Variants in MAP3K9 observed in about 807,000 individuals in gnomAD.
MAP3K9 encodes the protein mixed lineage kinase 1 (tyr and ser/thr specificity).
Under a neutral mutation model 95.8 loss-of-function variants are expected in MAP3K9, and 46 were observed. The observed-to-expected ratio is 0.48, with a 90% CI of 0.38 to 0.61. The LOEUF is 0.61. Ranked by LOEUF, MAP3K9 falls within the 20% of genes least tolerant of loss-of-function variation. MAP3K9 has a pLI of 0.00. For synonymous variants in MAP3K9, 533 were observed against 593.8 expected, an observed-to-expected ratio of 0.90 and a Z score of 1.49; for missense variants, 1,296 against 1,474.3, an observed-to-expected ratio of 0.88 and a Z score of 1.98.
intron 2 of MAP3K9, among the ~76,000 whole-genome samples, chr14:70,765,687 T>C (rs6573981): frequency 0.89 from 132,482 of 148,270 alleles, 59,177 homozygotes; most frequent in Middle Eastern, 0.94. Flanking sequence ...CCCTGGGCCA[T>C]ATTGGAAGAA....
chr14:70,739,158 C>G (rs2054028998), intron 7 of MAP3K9, among the ~76,000 whole-genome samples: 1 of 152,174 alleles, frequency 6.6e-6, no homozygotes. Flanking sequence ...GAGACGGAGT[C>G]TCACTCTGTC....
rs1240018561 is a variant in MAP3K9 at position 70,727,128 on chromosome 14, T to C, written c.*3252A>G. 6.6e-6 allele frequency: 1 copy of C among 152,174 alleles called. No individual in the cohort carries two copies. The highest frequency in any genetic ancestry group is 1.5e-5 in the Non-Finnish European group (1 of 68,026). The allele number at this position is 152,174 out of a possible 1,614,324, so 9.4% of individuals were successfully genotyped here. A position where few individuals can be genotyped will look rare whatever the true frequency, so the allele number is the denominator to read the frequency against. ...CAAATGTACAAGGAAAATGATGTCA[T>C]TTTGCAAAGGTCAGGAGGAAAAGTT... On this transcript the variant is annotated 3_prime_UTR_variant, in exon 12 of 12. Transcript: ENST00000554752.
intron 5 of MAP3K9, among the ~76,000 whole-genome samples, chr14:70,745,295 A>T: frequency 6.6e-6 from 1 of 152,230 alleles, no homozygotes; most frequent in East Asian, 1.9e-4. Flanking sequence ...CTAGAAAACA[A>T]GCATGTGAAC....
intron 3 of MAP3K9, among the ~76,000 whole-genome samples, chr14:70,758,090 C>T (rs1046365521): frequency 2.8e-4 from 43 of 151,992 alleles, no homozygotes; most frequent in African/African-American, 1.0e-3. Context: ...AAAGAACAGC[C>T]TTAAGAAAGT....
chr14:70,736,220 A>G (rs2053985134), intron 8 of MAP3K9, among the ~76,000 whole-genome samples, 191 bp from the exon 9 acceptor site: 1 of 152,212 alleles, frequency 6.6e-6, no homozygotes, highest in Non-Finnish European at 1.5e-5. Context: ...GGCCCAGGAC[A>G]AAGATCCCTG....
chr14:70,751,021 T>G (rs912976199), intron 3 of MAP3K9, among the ~76,000 whole-genome samples: 1 of 149,590 alleles, frequency 6.7e-6, no homozygotes, highest in Non-Finnish European at 1.5e-5. Flanking sequence ...AATAGATTTC[T>G]GCCCCCAGAT....
intron 2 of MAP3K9, among the ~76,000 whole-genome samples, chr14:70,796,362 G>A (rs1195310506): frequency 6.6e-6 from 1 of 152,184 alleles, no homozygotes; most frequent in African/African-American, 2.4e-5. Context: ...TAAGCCAGGG[G>A]TCTGAGCCAC....
chr14:70,778,048 A>G (rs1007190514), intron 2 of MAP3K9, among the ~76,000 whole-genome samples: 1 of 152,166 alleles, frequency 6.6e-6, no homozygotes, highest in Non-Finnish European at 1.5e-5. Context: ...AAAGGAAACT[A>G]GGACGGAACC....
chr14:70,735,986 A>AT lies in MAP3K9; in HGVS notation c.1887dup (p.Ser630IlefsTer18). On this transcript the variant is annotated frameshift_variant, in exon 9 of 12. Coordinates refer to ENST00000554752, the MANE Select transcript of MAP3K9 (RefSeq NM_001284230.2). LOFTEE classifies it high-confidence loss of function. The stretch of plus-strand genomic sequence containing the variant: ...CCCAAGTGGAAATGTGGAGATTCTG[A>AT]TGGGGTACTTAAACCATTAGCTTTC... 6.2e-7 allele frequency: 1 copy of AT among 1,613,528 alleles called. No homozygotes were observed. Among genetic ancestry groups the AT allele is most frequent in the Non-Finnish European group, 8.5e-7 (1 of 1,179,484 alleles).
In MAP3K9 at chr14:70,800,700, G is replaced by C. The variant is rs766499534; in HGVS notation, c.787C>G (p.Pro263Ala). The C allele has an allele frequency of 6.2e-7, 1 of 1,614,010 alleles. No individual in the cohort carries two copies. The highest frequency in any genetic ancestry group is 1.1e-5 in the South Asian group (1 of 91,054). ...MNYLHDEAIV[P>A]IIHRDLKSSN... Reference sequence around the variant, plus strand: ...GACTTAAGGTCGCGGTGGATGATGGGAACAATTGCCTCATCATGTAAGTAG... The same window carrying C: ...GACTTAAGGTCGCGGTGGATGATGGCAACAATTGCCTCATCATGTAAGTAG... Residue 263 changes from proline (P) to alanine (A), a missense_variant, in exon 2 of 12, where the codon CCC becomes GCC. Coordinates refer to ENST00000554752, the MANE Select transcript of MAP3K9 (RefSeq NM_001284230.2).
At chr14:70,808,328 C>A (rs1017854393) in intron 1 of MAP3K9, among the ~76,000 whole-genome samples, 5 of 143,958 alleles carry the variant, frequency 3.5e-5, no homozygotes, top group Non-Finnish European at 7.5e-5. Context: ...CTTTAGGAGG[C>A]GGGGACAGGC....
Position 70,730,621 on chromosome 14 carries a change from C to T in MAP3K9, c.3074G>A (p.Ser1025Asn). Residue 1025 changes from serine to asparagine, a missense_variant, in exon 12 of 12, where the codon AGC (serine) becomes AAC (asparagine). Coordinates refer to ENST00000554752, the MANE Select transcript of MAP3K9 (RefSeq NM_001284230.2). ...GTCCAGGTTGCTGGGCGTCTCTGTGCTGGAGCTGTTGGCTGGGGAGGTGCT... is the reference window on the plus strand; with the variant it reads ...GTCCAGGTTGCTGGGCGTCTCTGTGTTGGAGCTGTTGGCTGGGGAGGTGCT... ...ARSTSPANSS[S>N]TETPSNLDSC... 1 of 1,613,952 alleles carries T rather than the reference C, an allele frequency of 6.2e-7. No individual in the cohort carries two copies. Among genetic ancestry groups the T allele is most frequent in the Non-Finnish European group, 8.5e-7 (1 of 1,180,042 alleles).
In MAP3K9 at chr14:70,796,640, G is replaced by A. The variant is rs571861929; in HGVS notation, c.820+4027C>T. Among the ~76,000 whole-genome samples, 6 of 152,290 alleles carry A rather than the reference G, an allele frequency of 3.9e-5. No homozygotes were observed. In the South Asian group the frequency reaches 8.3e-4, roughly 21 times the overall value. On this transcript the variant is annotated intron_variant, in intron 2 of 11. Coordinates refer to ENST00000554752, the MANE Select transcript of MAP3K9 (RefSeq NM_001284230.2). ...CTGTCCAATTAACACAAGCACATAC[G>A]CCATGCTGGACTTCCGGGAGATTAA... is the stretch of plus-strand genomic sequence containing the variant.
chr14:70,764,447 G>GT (rs1023740385), intron 2 of MAP3K9, among the ~76,000 whole-genome samples: 2 of 132,186 alleles, frequency 1.5e-5, no homozygotes, highest in Admixed American at 1.6e-4. Context: ...AAAAATGTAT[G>GT]TTAAAAAAAA....
chr14:70,778,638 A>G (rs2054632804), intron 2 of MAP3K9, among the ~76,000 whole-genome samples: 1 of 152,162 alleles, frequency 6.6e-6, no homozygotes, highest in Non-Finnish European at 1.5e-5. Context: ...CATTGCTAGC[A>G]TTTACTGAGC....
In MAP3K9 at chr14:70,723,042, G is replaced by C. The variant is rs570286511; in HGVS notation, c.*7338C>G. On this transcript the variant is annotated 3_prime_UTR_variant, in exon 12 of 12. Coordinates refer to ENST00000554752, the MANE Select transcript of MAP3K9 (RefSeq NM_001284230.2). ...CTATAAGATATCTGGGTTTCGGTGG[G>C]GAGTGCAGGATGAGTAGGGAGGGAA... The C allele has an allele frequency of 3.5e-4, 54 of 152,230 alleles. No homozygotes were observed. Among genetic ancestry groups the C allele is most frequent in the Admixed American group, 3.5e-3 (54 of 15,288 alleles). 9.4% of individuals were successfully genotyped at this position (152,230 alleles called of 1,614,324 possible). A position where few individuals can be genotyped will look rare whatever the true frequency, so the allele number is the denominator to read the frequency against.
rs541183891 is a variant in MAP3K9, at chr14:70,761,985, T to C, written c.821-803A>G. On this transcript the variant is annotated intron_variant, in intron 2 of 11. Transcript: ENST00000554752. ...TCTTTATAAATTTACCTAGTCTGAA[T>C]ACTTCATGTAAATACAATCATACAA... Among the ~76,000 whole-genome samples, 26 of 152,374 alleles carry C rather than the reference T, an allele frequency of 1.7e-4. 1 individual carries two copies. The highest frequency in any genetic ancestry group is 5.8e-4 in the African/African-American group (24 of 41,594).
At position 70,800,961 on chromosome 14, in the gene MAP3K9, C is replaced by G. The variant is rs934732804; in HGVS notation, c.526G>C (p.Asp176His). 14 of 1,614,030 alleles carry G rather than the reference C, an allele frequency of 8.7e-6. No homozygotes were observed. The highest frequency in any genetic ancestry group is 1.2e-5 in the Non-Finnish European group (14 of 1,180,032). ...GTCTGGCTGATGTCCTCATCAGGGT[C>G]GTGGCGAGCTGCTTTCACAGCAACC... ...DEVAVKAARH[D>H]PDEDISQTIE... The change falls in exon 2 of 12, where the codon GAC becomes CAC. Residue 176 changes from aspartate (D) to histidine (H), a missense_variant. Asp to His is a moderately conservative substitution (Grantham distance 81). Transcript: ENST00000554752.
At chr14:70,779,533 T>C (rs929453732) in intron 2 of MAP3K9, among the ~76,000 whole-genome samples, 1 of 152,220 alleles carries the variant, frequency 6.6e-6, no homozygotes, top group African/African-American at 2.4e-5. Context: ...GCTAAGTCCC[T>C]GTATGTCACC....
Sources: gnomAD v4.1 joint callset for allele counts (sites outside exome capture counted in the v4.1 genomes callset) on GRCh38, gnomAD v4.1.1 for gene constraint, MANE v1.5 for transcripts, NCBI Gene and HGNC (gene_info 2026-07-23, HGNC 2026-07-21) for gene names.